Variants in SCAPER observed in about 807,000 individuals in gnomAD.
SCAPER encodes the protein S-phase cyclin A associated protein in the ER.
In SCAPER, 98 loss-of-function variants were observed where a neutral mutation model predicts 182.2. That is an observed-to-expected ratio of 0.54 (90% CI 0.46 to 0.64). The LOEUF is 0.64. SCAPER is among the 30% of genes least tolerant of loss of function. The probability of loss-of-function intolerance (pLI) is 0.00; values close to 1 mark genes in which losing one functional copy is unlikely to be tolerated. For missense variants in SCAPER, 1,432 were observed against 1,690.0 expected, an observed-to-expected ratio of 0.85 and a Z score of 2.68; for synonymous variants, 605 against 564.6, an observed-to-expected ratio of 1.07 and a Z score of -1.01.
At chr15:76,431,853 G>A (rs1222053509) in intron 26 of SCAPER, among the ~76,000 whole-genome samples, 1 of 152,038 alleles carries the variant, frequency 6.6e-6, no homozygotes, top group Admixed American at 6.6e-5. Context: ...GGTATTTTTT[G>A]AAGCAGTATG....
intron 22 of SCAPER, among the ~76,000 whole-genome samples, chr15:76,582,329 A>C (rs1246314455): frequency 6.6e-6 from 1 of 152,196 alleles, no homozygotes; most frequent in Non-Finnish European, 1.5e-5. Flanking sequence ...AATCTGAAAA[A>C]GTCAAGAAAC....
At position 76,686,255 on chromosome 15, in the gene SCAPER, G is replaced by A. The variant is rs564025162; in HGVS notation, c.2508+15503C>T. 1.3e-5 allele frequency among the ~76,000 whole-genome samples: 2 copies of A among 152,096 alleles called. 1 individual carries two copies. Among genetic ancestry groups the A allele is most frequent in the Middle Eastern group, 6.8e-3 (2 of 294 alleles). ...AATAGAACTCAACAGAAAAGGGGCA[G>A]AACAGCCACAGACATTCTACAGAAC... On this transcript the variant is annotated intron_variant, in intron 20 of 31. Coordinates refer to ENST00000563290, the MANE Select transcript of SCAPER (RefSeq NM_020843.4).
At chr15:76,889,407 T>C (rs1349724128) in intron 1 of SCAPER, among the ~76,000 whole-genome samples, 1 of 152,156 alleles carries the variant, frequency 6.6e-6, no homozygotes, top group East Asian at 1.9e-4. Flanking sequence ...GACCCATCAG[T>C]GTGCTGTATT....
At chr15:76,405,951 T>C (rs558133219) in intron 26 of SCAPER, among the ~76,000 whole-genome samples, 1 of 152,302 alleles carries the variant, frequency 6.6e-6, no homozygotes, top group South Asian at 2.1e-4. Context: ...AGGTACAAAA[T>C]AGTGCCTCCT....
chr15:76,418,968 C>T (rs1328453105), intron 26 of SCAPER, among the ~76,000 whole-genome samples: 8 of 152,156 alleles, frequency 5.3e-5, no homozygotes, highest in African/African-American at 1.2e-4. Context: ...CACAAATGTG[C>T]CTTTCTGGAG....
intron 1 of SCAPER, among the ~76,000 whole-genome samples, chr15:76,902,718 G>A (rs765145127): frequency 6.6e-6 from 1 of 152,116 alleles, no homozygotes; most frequent in Non-Finnish European, 1.5e-5. Flanking sequence ...GATTCCCAAA[G>A]AAGTTGTTTA....
At chr15:76,588,639 G>A (rs1380586122) in intron 22 of SCAPER, among the ~76,000 whole-genome samples, 2 of 152,160 alleles carry the variant, frequency 1.3e-5, no homozygotes, top group African/African-American at 2.4e-5. Flanking sequence ...TTGTTGTGCT[G>A]TTGGTTGCCT....
intron 17 of SCAPER, among the ~76,000 whole-genome samples, chr15:76,722,738 A>C (rs1415832644): frequency 1.3e-5 from 2 of 151,992 alleles, no homozygotes; most frequent in African/African-American, 2.4e-5. Flanking sequence ...GTATTCTCTG[A>C]TGGTAGTTTG....
Position 76,719,593 on chromosome 15 carries a change from T to C in SCAPER, c.2165+9002A>G, listed in dbSNP as rs76776461. On this transcript the variant is annotated intron_variant, in intron 17 of 31. Coordinates refer to ENST00000563290, the MANE Select transcript of SCAPER (RefSeq NM_020843.4). ...ATGGGTAACTATGTGAGAAGATAGATATGTTAGTTCGCTTCACTATAGTAA... is the reference window on the plus strand; with the variant it reads ...ATGGGTAACTATGTGAGAAGATAGACATGTTAGTTCGCTTCACTATAGTAA... Among the ~76,000 whole-genome samples the C allele has an allele frequency of 4.0e-4, 61 of 152,292 alleles. No homozygotes were observed. In the East Asian group the frequency reaches 9.1e-3, roughly 23 times the overall value.
chr15:76,824,404 C>T (rs181200907), intron 5 of SCAPER, among the ~76,000 whole-genome samples: 1 of 152,176 alleles, frequency 6.6e-6, no homozygotes, highest in East Asian at 1.9e-4. Context: ...GGCCCTTGGG[C>T]CCACGACATC....
chr15:76,429,511 A>T lies in SCAPER; in HGVS notation c.3311+4567T>A, dbSNP rs114387067. ...CAGGCTGAGCTGGTCTCAGATGGCG[A>T]TGAGGAAATTGTTGGGAACTGGAGC... On this transcript the variant is annotated intron_variant, in intron 26 of 31. Transcript: ENST00000563290. Among the ~76,000 whole-genome samples, 1,233 of 152,248 alleles carry T rather than the reference A, an allele frequency of 8.1e-3. 12 individuals are homozygous for T. The highest frequency in any genetic ancestry group is 0.028 in the African/African-American group (1,170 of 41,546).
At chr15:76,414,421 T>C (rs996039153) in intron 26 of SCAPER, among the ~76,000 whole-genome samples, 1 of 152,020 alleles carries the variant, frequency 6.6e-6, no homozygotes, top group African/African-American at 2.4e-5. Context: ...CATGTCAAAC[T>C]GCTGAAACTC....
intron 26 of SCAPER, among the ~76,000 whole-genome samples, chr15:76,421,752 T>C (rs2046061325): frequency 6.6e-6 from 1 of 152,260 alleles, no homozygotes; most frequent in Admixed American, 6.5e-5. Flanking sequence ...TTTATGGTTT[T>C]AGGTCTAACA....
intron 5 of SCAPER, 130 bp downstream of exon 5, chr15:76,841,604 G>C (rs574558375): frequency 3.0e-5 from 27 of 889,528 alleles, no homozygotes; most frequent in Non-Finnish European, 4.5e-5. Context: ...CCAAGATCGC[G>C]TCACTACACT....
chr15:76,371,152 A>G (rs1232633870), intron 29 of SCAPER, among the ~76,000 whole-genome samples: 2 of 152,172 alleles, frequency 1.3e-5, no homozygotes, highest in African/African-American at 4.8e-5. Context: ...AGCTTACTTT[A>G]TCTTTTAGAA....
intron 17 of SCAPER, among the ~76,000 whole-genome samples, chr15:76,716,788 C>T (rs1201952765): frequency 6.6e-6 from 1 of 151,818 alleles, no homozygotes; most frequent in South Asian, 2.1e-4. Flanking sequence ...TGGGACACCA[C>T]TAAGCAAACA....
chr15:76,888,464 T>C (rs1239734089), intron 1 of SCAPER, among the ~76,000 whole-genome samples: 1 of 151,842 alleles, frequency 6.6e-6, no homozygotes, highest in Non-Finnish European at 1.5e-5. Flanking sequence ...GAATGAACAG[T>C]GGAGAGAAGA....
intron 8 of SCAPER, 182 bp downstream of exon 8, chr15:76,795,098 G>A: frequency 2.1e-6 from 1 of 479,266 alleles, no homozygotes; most frequent in Non-Finnish European, 3.5e-6. Flanking sequence ...ATCTCCATAA[G>A]CTATCTACAG....
At chr15:76,860,696 C>A (rs2071797604) in intron 3 of SCAPER, among the ~76,000 whole-genome samples, 1 of 151,978 alleles carries the variant, frequency 6.6e-6, no homozygotes, top group African/African-American at 2.4e-5. Context: ...GTACCACACA[C>A]TATATGTAAG....
Sources: gnomAD v4.1 joint callset for allele counts (sites outside exome capture counted in the v4.1 genomes callset) on GRCh38, gnomAD v4.1.1 for gene constraint, MANE v1.5 for transcripts, NCBI Gene and HGNC (gene_info 2026-07-23, HGNC 2026-07-21) for gene names.